CACNA1I: variants seen among roughly 807,000 people sequenced by gnomAD.
CACNA1I encodes the protein voltage-dependent T-type calcium channel subunit alpha-1I.
A neutral mutation model predicts 201.6 loss-of-function variants in CACNA1I; 74 were observed. The ratio of observed to expected loss-of-function variants is 0.37; its 90% CI spans 0.30 to 0.45. The LOEUF (loss-of-function observed/expected upper bound fraction) is 0.45. Ranked by LOEUF, CACNA1I falls within the 20% of genes least tolerant of loss-of-function variation. The pLI, the probability that CACNA1I is intolerant of heterozygous loss-of-function variation, is 1.00. For missense variants in CACNA1I, 2,346 were observed against 3,138.1 expected (o/e 0.75, Z 6.03); for synonymous variants, 1,431 against 1,345.2 (o/e 1.06, Z -1.40).
At position 39,660,460 on chromosome 22, in the gene CACNA1I, C is replaced by A. The variant is rs763943910; in HGVS notation, c.2698+23C>A. 5.8e-6 allele frequency: 9 copies of A among 1,560,000 alleles called. No homozygotes were observed. In the South Asian group the frequency reaches 6.9e-5, roughly 12 times the overall value. ...GAGGTAAACAGGCCCTCGCTTGTCA[C>A]CTAGAGAGCCCAGAGCCTTCTCCAC... On this transcript the variant is annotated intron_variant, in intron 15 of 36. Coordinates refer to ENST00000402142, the MANE Select transcript of CACNA1I (RefSeq NM_021096.4).
chr22:39,679,112 G>T lies in CACNA1I; in HGVS notation c.5061G>T (p.Thr1687=), dbSNP rs571761057. 463 of 1,585,158 alleles carry T rather than the reference G, an allele frequency of 2.9e-4. 9 individuals carry two copies. The South Asian group carries it at 5.1e-3, about 17-fold the overall frequency. ...CCGCCCTCCCTGCCACGCAGGACAC[G>T]CTGCGGGACTGCACCCACGACGAGC... ...GDNWNGIMKD[T]LRDCTHDERS... The change falls in exon 32 of 37, where the codon ACG becomes ACT. Residue 1687 remains threonine, a synonymous_variant. Coordinates refer to ENST00000402142, the MANE Select transcript of CACNA1I (RefSeq NM_021096.4).
rs1381643785 is a variant in CACNA1I at position 39,688,972 on chromosome 22, A to T, written c.*2567A>T. ...GCACTTGACCTTGTTCCTGTGGGTG[A>T]CAGAGATGAGAACCAGGGAAGCTGT... On this transcript the variant is annotated 3_prime_UTR_variant, in exon 37 of 37. Coordinates refer to ENST00000402142, the MANE Select transcript of CACNA1I (RefSeq NM_021096.4). The surrounding 1 kb of genome is among the most constrained non-coding windows in gnomAD (Gnocchi z 4.8). 1 of 152,746 alleles carries T rather than the reference A, an allele frequency of 6.5e-6. No individual in the cohort carries two copies. The highest frequency in any genetic ancestry group is 6.5e-5 in the Admixed American group (1 of 15,294). 9.5% of individuals were successfully genotyped at this position (152,746 alleles called of 1,614,324 possible).
chr22:39,647,826 G>A lies in CACNA1I; in HGVS notation c.1467G>A (p.Gly489=), dbSNP rs2146428223. Residue 489 remains glycine (G), a synonymous_variant, in exon 9 of 37, where the codon GGG becomes GGA. Transcript: ENST00000402142. The part of the protein sequence containing the change: ...PHAKEPRHYH[G]KTKGQGDEGR... ...AATATTATCTCCACTTTTCAGATGG[G>A]AAGACTAAGGGTCAGGGAGATGAAG... 6.3e-7 allele frequency: 1 copy of A among 1,597,982 alleles called. No homozygotes were observed. Among genetic ancestry groups the A allele is most frequent in the Non-Finnish European group, 8.6e-7 (1 of 1,165,436 alleles).
chr22:39,586,752 G>T (rs904673686), intron 1 of CACNA1I, among the ~76,000 whole-genome samples: 7 of 152,144 alleles, frequency 4.6e-5, no homozygotes, highest in African/African-American at 1.7e-4. Flanking sequence ...GAGACACGCG[G>T]CAGAGGACAG....
chr22:39,622,551 G>T (rs1002411966), intron 4 of CACNA1I, among the ~76,000 whole-genome samples: 7 of 149,446 alleles, frequency 4.7e-5, no homozygotes, highest in African/African-American at 1.7e-4. Context: ...CATAGGAAGA[G>T]GTTAGCAAGT....
rs1283616232 is a variant in CACNA1I at position 39,679,256 on chromosome 22, C to T, written c.5205C>T (p.Asp1735=). Reference sequence around the variant, plus strand: ...CTGTGCTCATGAAGCACCTGGACGACAGCAACAAGGAGGCGCAGGAGGACG... The same window carrying T: ...CTGTGCTCATGAAGCACCTGGACGATAGCAACAAGGAGGCGCAGGAGGACG... ...VVAVLMKHLD[D]SNKEAQEDAE... The change falls in exon 32 of 37, where the codon GAC becomes GAT. Residue 1735 remains aspartate, a synonymous_variant. Transcript: ENST00000402142. 6.3e-7 allele frequency: 1 copy of T among 1,589,788 alleles called. No individual in the cohort carries two copies. The highest frequency in any genetic ancestry group is 8.6e-7 in the Non-Finnish European group (1 of 1,168,930).
intron 5 of CACNA1I, among the ~76,000 whole-genome samples, chr22:39,639,751 A>C (rs1934307168): frequency 6.6e-6 from 1 of 152,284 alleles, no homozygotes; most frequent in South Asian, 2.1e-4. Context: ...AGGTCTGAAA[A>C]GCCATCTCTG....
At chr22:39,668,073 A>G (rs1935251617) in intron 23 of CACNA1I, among the ~76,000 whole-genome samples, 1 of 152,212 alleles carries the variant, frequency 6.6e-6, no homozygotes, top group Admixed American at 6.5e-5. Flanking sequence ...TGGGTCCAGC[A>G]CTTTTTCTTC....
intron 10 of CACNA1I, among the ~76,000 whole-genome samples, chr22:39,650,234 G>A (rs573578878): frequency 2.0e-5 from 3 of 151,608 alleles, no homozygotes; most frequent in Non-Finnish European, 2.9e-5. Context: ...CAACCACAGC[G>A]CATCCCCTGC....
chr22:39,682,628 G>C lies in CACNA1I; in HGVS notation c.5797G>C (p.Val1933Leu). ...CEMEEIPFNP[V>L]RSWLKHDSSQ... is the part of the protein sequence containing the mutation. ...GATGGAGGAGATCCCATTCAACCCT[G>C]TCCGGTCCTGGCTGAAACATGACAG... Residue 1933 changes from valine to leucine, a missense_variant, in exon 35 of 37, where the codon GTC becomes CTC. Physicochemically the swap from Val to Leu is conservative, Grantham distance 32. Transcript: ENST00000402142. 1.2e-6 allele frequency: 2 copies of C among 1,613,416 alleles called. No homozygotes were observed. The highest frequency in any genetic ancestry group is 8.5e-7 in the Non-Finnish European group (1 of 1,179,830).
intron 4 of CACNA1I, among the ~76,000 whole-genome samples, chr22:39,619,945 ATCCATCCGTCCG>A (rs1192188902): frequency 6.6e-6 from 1 of 151,178 alleles, no homozygotes; most frequent in East Asian, 1.9e-4. Flanking sequence ...CCATCCATCC[ATCCATCCGTCCG>A]TCCGTCCATC....
chr22:39,663,641 G>A (rs1935093079), intron 18 of CACNA1I, 77 bp from the exon 19 acceptor site: 2 of 1,578,004 alleles, frequency 1.3e-6, no homozygotes, highest in South Asian at 1.1e-5. Flanking sequence ...CTGCACTGCT[G>A]CCTGGGCCCT....
At position 39,661,435 on chromosome 22, in the gene CACNA1I, C is replaced by A. The variant is rs11913325; in HGVS notation, c.2901+125C>A. 331 of 735,360 alleles carry A rather than the reference C, an allele frequency of 4.5e-4. 1 individual carries two copies. In the African/African-American group the frequency reaches 5.7e-3, roughly 13 times the overall value. The allele number at this position is 735,360 out of a possible 1,614,324, so 45.6% of individuals were successfully genotyped here. A position where few individuals can be genotyped will look rare whatever the true frequency, so the allele number is the denominator to read the frequency against. On this transcript the variant is annotated intron_variant, in intron 16 of 36. Coordinates refer to ENST00000402142, the MANE Select transcript of CACNA1I (RefSeq NM_021096.4). Reference sequence around the variant, plus strand: ...TGCCCAGCCAAAGTCAGGCAGGGGCCATGTCTGTTGCATTCCTGGGTGCCC... The same window carrying A: ...TGCCCAGCCAAAGTCAGGCAGGGGCAATGTCTGTTGCATTCCTGGGTGCCC...
Position 39,665,380 on chromosome 22 carries a change from G to A in CACNA1I, c.3852-118G>A. On this transcript the variant is annotated intron_variant, in intron 21 of 36. Coordinates refer to ENST00000402142, the MANE Select transcript of CACNA1I (RefSeq NM_021096.4). The surrounding 1 kb of genome is among the most constrained non-coding windows in gnomAD (Gnocchi z 5.5). ...CTCATGCCCCAGGGTGTTCAGCCCT[G>A]GTGAGCCCTGGGGACTCATGCCCTG... The A allele has an allele frequency of 8.1e-7, 1 of 1,233,708 alleles. No homozygotes were observed. Among genetic ancestry groups the A allele is most frequent in the South Asian group, 1.4e-5 (1 of 69,720 alleles). The allele number at this position is 1,233,708 out of a possible 1,614,324, so 76.4% of individuals were successfully genotyped here.
At chr22:39,674,619 G>A (rs1245359437) in intron 29 of CACNA1I, among the ~76,000 whole-genome samples, 1 of 152,118 alleles carries the variant, frequency 6.6e-6, no homozygotes, top group African/African-American at 2.4e-5. Flanking sequence ...GCCACAGAGG[G>A]CATCTTTTTC....
At chr22:39,608,935 A>G (rs113049892) in intron 3 of CACNA1I, among the ~76,000 whole-genome samples, 11 of 152,220 alleles carry the variant, frequency 7.2e-5, no homozygotes, top group Admixed American at 1.3e-4. Flanking sequence ...ACAAAAAGCC[A>G]CTAAGAATTG....
At chr22:39,603,724 C>T (rs770504627) in intron 3 of CACNA1I, among the ~76,000 whole-genome samples, 33 of 152,226 alleles carry the variant, frequency 2.2e-4, no homozygotes, top group Admixed American at 4.6e-4. Context: ...TGAATGTATA[C>T]GGCAGATTTA....
chr22:39,661,431 G>C (rs889415056), intron 16 of CACNA1I, 121 bp downstream of exon 16: 38 of 760,798 alleles, frequency 5.0e-5, no homozygotes, highest in Non-Finnish European at 7.2e-5. Flanking sequence ...AGTCAGGCAG[G>C]GGCCATGTCT....
chr22:39,620,875 AC>A (rs1745129191), intron 4 of CACNA1I, among the ~76,000 whole-genome samples: 1 of 151,968 alleles, frequency 6.6e-6, no homozygotes, highest in South Asian at 2.1e-4. Context: ...CTCCTGTCTC[AC>A]CCTCATGAGT....
Sources: gnomAD v4.1 joint callset for allele counts (sites outside exome capture counted in the v4.1 genomes callset) on GRCh38, gnomAD v4.1.1 for gene constraint, Gnocchi (gnomAD v3.1) non-coding constraint, MANE v1.5 for transcripts, NCBI Gene and HGNC (gene_info 2026-07-23, HGNC 2026-07-21) for gene names.